SLC39A11: variants seen among roughly 807,000 people sequenced by gnomAD.
The protein encoded by SLC39A11 is zinc transporter ZIP11.
SLC39A11 carries 33 observed loss-of-function variants against 36.1 expected under a neutral mutation model. That is an observed-to-expected ratio of 0.91 (90% CI 0.69 to 1.22). The LOEUF is 1.22. Among genes scored for constraint, SLC39A11 ranks in the 50% most tolerant of loss-of-function variants. The probability of loss-of-function intolerance (pLI) is 0.00; values close to 1 mark genes in which losing one functional copy is unlikely to be tolerated. For synonymous variants in SLC39A11, 166 were observed against 170.3 expected, an observed-to-expected ratio of 0.97 and a Z score of 0.20; for missense variants, 432 against 430.3, an observed-to-expected ratio of 1.00 and a Z score of -0.03.
Position 72,661,950 on chromosome 17 carries a change from T to C in SLC39A11, c.672-12682A>G, listed in dbSNP as rs560417876. Reference sequence around the variant, plus strand: ...AGTGTAGACAAACCGCCCACATTTCTATGGGATCACTGACTCCCAGAGGAA... The same window carrying C: ...AGTGTAGACAAACCGCCCACATTTCCATGGGATCACTGACTCCCAGAGGAA... On this transcript the variant is annotated intron_variant, in intron 7 of 9. Coordinates refer to ENST00000255559, the MANE Select transcript of SLC39A11 (RefSeq NM_139177.4). Among the ~76,000 whole-genome samples the C allele has an allele frequency of 4.6e-5, 7 of 152,294 alleles. No homozygotes were observed. In the South Asian group the frequency reaches 1.0e-3, roughly 23 times the overall value.
At chr17:72,902,194 C>T (rs2082424493) in intron 5 of SLC39A11, among the ~76,000 whole-genome samples, 1 of 151,962 alleles carries the variant, frequency 6.6e-6, no homozygotes, top group Non-Finnish European at 1.5e-5. Flanking sequence ...TCGCTTAAAC[C>T]TGGGAGGTGG....
chr17:73,027,943 A>G (rs2058613587), intron 4 of SLC39A11, among the ~76,000 whole-genome samples: 1 of 152,104 alleles, frequency 6.6e-6, no homozygotes, highest in African/African-American at 2.4e-5. Flanking sequence ...AACAAACTCC[A>G]AGCAGACGTG....
At chr17:72,910,751 A>G (rs1332457679) in intron 5 of SLC39A11, among the ~76,000 whole-genome samples, 1 of 148,428 alleles carries the variant, frequency 6.7e-6, no homozygotes, top group Non-Finnish European at 1.5e-5. Context: ...ACATGGTGAA[A>G]CCTCATCTCT....
intron 7 of SLC39A11, among the ~76,000 whole-genome samples, chr17:72,653,481 G>A (rs964943416): frequency 6.7e-6 from 1 of 148,632 alleles, no homozygotes; most frequent in Non-Finnish European, 1.5e-5. Context: ...CTGTCACCCA[G>A]GCTGAAGTGG....
intron 3 of SLC39A11, among the ~76,000 whole-genome samples, chr17:73,062,296 TA>T (rs1045864190): frequency 1.4e-5 from 2 of 147,672 alleles, no homozygotes; most frequent in African/African-American, 5.0e-5. Flanking sequence ...CCCATCTCTA[TA>T]AAAAAAAATA....
chr17:72,947,780 G>A lies in SLC39A11; in HGVS notation c.402C>T (p.Phe134=). 6.2e-7 allele frequency: 1 copy of A among 1,614,120 alleles called. No homozygotes were observed. The highest frequency in any genetic ancestry group is 8.5e-7 in the Non-Finnish European group (1 of 1,180,036). ...TCCGGATGGAAAGTTCACTCTCAGG[G>A]AAGAGCAGCGCGGGACCCTCAGGAT... The part of the protein sequence containing the change: ...KSDPEGPALL[F]PESELSIRID... The change falls in exon 5 of 10, where the codon TTC becomes TTT. Residue 134 remains phenylalanine (F), a synonymous_variant. Transcript: ENST00000255559.
intron 6 of SLC39A11, among the ~76,000 whole-genome samples, chr17:72,777,607 T>C (rs35069052): frequency 0.011 from 1,630 of 152,216 alleles, 10 homozygotes; most frequent in Non-Finnish European, 0.017. Context: ...CCAAGAATTA[T>C]TGGTAACTCT....
At chr17:72,784,808 T>C (rs1379914545) in intron 6 of SLC39A11, among the ~76,000 whole-genome samples, 1 of 151,964 alleles carries the variant, frequency 6.6e-6, no homozygotes. Flanking sequence ...GCACCATGCT[T>C]CCTGTAAAGC....
chr17:73,073,292 A>AGCAACAC (rs1189302465), intron 3 of SLC39A11, among the ~76,000 whole-genome samples: 2 of 152,242 alleles, frequency 1.3e-5, no homozygotes, highest in Non-Finnish European at 2.9e-5. Context: ...CTATGCAGGA[A>AGCAACAC]GCAACACGTC....
At chr17:73,088,137 T>C (rs970433994) in intron 2 of SLC39A11, among the ~76,000 whole-genome samples, 8 of 151,466 alleles carry the variant, frequency 5.3e-5, no homozygotes, top group Non-Finnish European at 8.8e-5. Context: ...CTACTAAAAA[T>C]ACAAAAATTA....
intron 3 of SLC39A11, among the ~76,000 whole-genome samples, chr17:73,057,747 G>A (rs974475057): frequency 1.3e-5 from 2 of 152,166 alleles, no homozygotes; most frequent in East Asian, 3.9e-4. Flanking sequence ...AGACCAGCCT[G>A]GCGAACATGG....
At chr17:72,743,256 C>T (rs1252165721) in intron 6 of SLC39A11, among the ~76,000 whole-genome samples, 2 of 152,178 alleles carry the variant, frequency 1.3e-5, no homozygotes, top group Admixed American at 1.3e-4. Context: ...CAAGTGTCCT[C>T]TGCTGCCCAG....
At chr17:72,959,673 A>G (rs2086489039) in intron 4 of SLC39A11, among the ~76,000 whole-genome samples, 2 of 152,072 alleles carry the variant, frequency 1.3e-5, no homozygotes, top group African/African-American at 4.8e-5. Context: ...TAAAGAACTT[A>G]CTCATGTAAC....
chr17:72,857,105 G>A (rs563145096), intron 5 of SLC39A11, among the ~76,000 whole-genome samples: 1 of 152,152 alleles, frequency 6.6e-6, no homozygotes, highest in African/African-American at 2.4e-5. Context: ...GTACCCAATA[G>A]TTACTTTTTC....
At chr17:73,068,221 C>T (rs778854695) in intron 3 of SLC39A11, 10 of 941,014 alleles carry the variant, frequency 1.1e-5, no homozygotes, top group African/African-American at 3.3e-5. Flanking sequence ...GGGAGACCTC[C>T]GTAAGTCCTT....
intron 6 of SLC39A11, among the ~76,000 whole-genome samples, chr17:72,754,089 C>T (rs2075278457): frequency 7.7e-6 from 1 of 130,272 alleles, no homozygotes; most frequent in South Asian, 2.5e-4. Context: ...CACACACACA[C>T]ACACACAGTG....
intron 4 of SLC39A11, among the ~76,000 whole-genome samples, chr17:73,008,454 C>T (rs1160504015): frequency 6.6e-6 from 1 of 152,200 alleles, no homozygotes; most frequent in Non-Finnish European, 1.5e-5. Flanking sequence ...AAGTGTCCTT[C>T]CAGCTCCTCC....
At chr17:73,007,049 C>G (rs532975841) in intron 4 of SLC39A11, among the ~76,000 whole-genome samples, 1 of 152,344 alleles carries the variant, frequency 6.6e-6, no homozygotes, top group East Asian at 1.9e-4. Context: ...GCCCAAGGAG[C>G]CTACAGCCCA....
At chr17:72,954,761 C>T (rs1015873598) in intron 4 of SLC39A11, among the ~76,000 whole-genome samples, 9 of 152,196 alleles carry the variant, frequency 5.9e-5, no homozygotes, top group Non-Finnish European at 1.2e-4. Context: ...ACCTTCTCTC[C>T]TCGGGAGCCC....
Sources: allele counts gnomAD v4.1 joint callset (sites outside exome capture counted in the v4.1 genomes callset), GRCh38; gene constraint gnomAD v4.1.1; transcripts MANE v1.5; gene names NCBI Gene and HGNC (gene_info 2026-07-23, HGNC 2026-07-21).